The following DOCK9 variants were observed in gnomAD, a reference collection of about 807,000 sequenced individuals.
DOCK9 encodes the protein dedicator of cytokinesis 9, also known as dedicator of cytokinesis protein 9.
A neutral mutation model predicts 263.3 loss-of-function variants in DOCK9; 89 were observed. The ratio of observed to expected loss-of-function variants is 0.34; its 90% CI spans 0.28 to 0.40. The LOEUF (loss-of-function observed/expected upper bound fraction) is 0.40, where lower values mean the gene tolerates loss of function less well. Ranked by LOEUF, DOCK9 falls within the 10% of genes least tolerant of loss-of-function variation. DOCK9 has a pLI of 1.00. For missense variants in DOCK9, 2,140 were observed against 2,603.4 expected (o/e 0.82, Z 3.87); for synonymous variants, 976 against 973.1 (o/e 1.00, Z -0.06).
At position 98,991,078 on chromosome 13, in the gene DOCK9, C is replaced by CTT. The variant is rs35085681; in HGVS notation, c.130-35529_130-35528dup. ...TAAAAGGGATGCAAACAAGTAATTT[C>CTT]TTTTTTTTTTTGAGATGGAGTTTCG... On this transcript the variant is annotated intron_variant, in intron 1 of 32. Transcript: ENST00000427887. 1.8e-3 allele frequency among the ~76,000 whole-genome samples: 264 copies of CTT among 148,326 alleles called. 1 individual carries two copies. The highest frequency in any genetic ancestry group is 7.7e-3 in the East Asian group (39 of 5,078).
chr13:98,870,619 C>T (rs974345022), intron 27 of DOCK9, among the ~76,000 whole-genome samples: 3 of 152,102 alleles, frequency 2.0e-5, no homozygotes, highest in Non-Finnish European at 4.4e-5. Flanking sequence ...GTTGAGTGGG[C>T]ACCATGTAAA....
chr13:98,894,695 T>C (rs1566886862), intron 15 of DOCK9, among the ~76,000 whole-genome samples: 1 of 151,924 alleles, frequency 6.6e-6, no homozygotes, highest in East Asian at 1.9e-4. Flanking sequence ...ATGACAATAA[T>C]TACTATATGA....
intron 9 of DOCK9, among the ~76,000 whole-genome samples, chr13:98,912,620 T>A (rs980374639): frequency 6.6e-6 from 1 of 151,978 alleles, no homozygotes; most frequent in Non-Finnish European, 1.5e-5. Flanking sequence ...ATTAAATATA[T>A]GTATATCTTA....
intron 1 of DOCK9, among the ~76,000 whole-genome samples, chr13:99,021,100 A>C (rs1886036455): frequency 6.6e-6 from 1 of 152,206 alleles, no homozygotes; most frequent in Non-Finnish European, 1.5e-5. Context: ...TCCTTTTATA[A>C]CCAATCAATA....
intron 1 of DOCK9, among the ~76,000 whole-genome samples, chr13:99,074,371 C>G (rs1388533721): frequency 6.6e-6 from 1 of 152,212 alleles, no homozygotes; most frequent in Non-Finnish European, 1.5e-5. Flanking sequence ...TATTCAATGT[C>G]TATGGTATTA....
At chr13:98,999,663 T>G (rs1303142003) in intron 1 of DOCK9, among the ~76,000 whole-genome samples, 1 of 152,248 alleles carries the variant, frequency 6.6e-6, no homozygotes, top group African/African-American at 2.4e-5. Flanking sequence ...TTTAAATTAC[T>G]GATGCACAGA....
chr13:98,868,822 C>G (rs2094116614), intron 27 of DOCK9, among the ~76,000 whole-genome samples: 1 of 152,176 alleles, frequency 6.6e-6, no homozygotes, highest in African/African-American at 2.4e-5. Context: ...AATTAACCCT[C>G]CTTCTTTCAA....
At chr13:98,834,740 G>A (rs192042781) in intron 39 of DOCK9, 35 of 152,324 alleles carry the variant, frequency 2.3e-4, no homozygotes, top group Non-Finnish European at 2.1e-4. Flanking sequence ...TGTACTAAGT[G>A]AGATAACATG....
chr13:98,937,427 TAGAC>T (rs1044262005), intron 2 of DOCK9, among the ~76,000 whole-genome samples: 2 of 152,168 alleles, frequency 1.3e-5, no homozygotes, highest in African/African-American at 4.8e-5. Context: ...AGATGATCGA[TAGAC>T]AGATAGGTAG....
intron 1 of DOCK9, chr13:99,015,687 G>A (rs1885297161): frequency 5.4e-6 from 8 of 1,483,532 alleles, no homozygotes; most frequent in Non-Finnish European, 7.1e-6. Flanking sequence ...TCCGAAACAG[G>A]CTCCCACTGT....
At position 98,809,613 on chromosome 13, in the gene DOCK9, CA is replaced by C. The variant is rs1417053765; in HGVS notation, c.5254-149del. 6.1e-6 allele frequency: 4 copies of C among 653,680 alleles called. No homozygotes were observed. The Admixed American group carries it at 9.7e-5, about 16-fold the overall frequency. 40.5% of individuals were successfully genotyped at this position (653,680 alleles called of 1,614,324 possible). On this transcript the variant is annotated intron_variant, in intron 46 of 52. Coordinates refer to ENST00000682017, the MANE Select transcript of DOCK9 (RefSeq NM_001366683.2). ...TTTTGGCTGCACAACTTGTAGTGATCATTAATGAATGGTAACATTTCCTACC... is the reference window on the plus strand; with the variant it reads ...TTTTGGCTGCACAACTTGTAGTGATCTTAATGAATGGTAACATTTCCTACC...
At chr13:99,060,611 G>A (rs917033846) in intron 1 of DOCK9, among the ~76,000 whole-genome samples, 8 of 152,058 alleles carry the variant, frequency 5.3e-5, no homozygotes, top group South Asian at 2.1e-4. Context: ...ATCTCTCCAC[G>A]TCCTTACCAA....
chr13:99,015,876 G>A (rs189549578), intron 1 of DOCK9: 20 of 809,342 alleles, frequency 2.5e-5, no homozygotes, highest in South Asian at 1.1e-4. Flanking sequence ...TTAAAGTATC[G>A]TTTTTCTAGC....
At chr13:98,939,662 G>T (rs2055493925) in intron 2 of DOCK9, among the ~76,000 whole-genome samples, 1 of 152,194 alleles carries the variant, frequency 6.6e-6, no homozygotes, top group East Asian at 1.9e-4. Flanking sequence ...AAGCCCAGGA[G>T]GTTCGAGCAA....
In DOCK9 at chr13:98,941,072, T is replaced by C. The variant is rs144155515; in HGVS notation, c.244-10815A>G. Among the ~76,000 whole-genome samples the C allele has an allele frequency of 3.4e-3, 519 of 152,288 alleles. 1 individual carries two copies. The highest frequency in any genetic ancestry group is 0.012 in the African/African-American group (492 of 41,554). On this transcript the variant is annotated intron_variant, in intron 2 of 52. Transcript: ENST00000682017. The stretch of plus-strand genomic sequence containing the variant: ...TCCAGCAACATGGACTATTTCTGAT[T>C]CCCTAATGCACCAGGCCCCTCTGAC...
At chr13:98,913,787 G>A (rs895968957) in intron 9 of DOCK9, among the ~76,000 whole-genome samples, 21 of 152,302 alleles carry the variant, frequency 1.4e-4, no homozygotes, top group African/African-American at 5.1e-4. Flanking sequence ...GGAAGTAGCA[G>A]TATGGTTGAT....
intron 30 of DOCK9, among the ~76,000 whole-genome samples, chr13:98,865,384 A>G (rs1173237720): frequency 1.3e-5 from 2 of 152,140 alleles, no homozygotes; most frequent in Non-Finnish European, 2.9e-5. Flanking sequence ...TTTTCTTTAT[A>G]AATTACCCAG....
intron 1 of DOCK9, among the ~76,000 whole-genome samples, chr13:99,028,280 G>C (rs1481871209): frequency 9.2e-5 from 14 of 152,162 alleles, no homozygotes. Flanking sequence ...GAGGACCCTG[G>C]GATGCTGCCT....
At chr13:99,056,846 G>A (rs2142253868) in intron 1 of DOCK9, among the ~76,000 whole-genome samples, 1 of 152,336 alleles carries the variant, frequency 6.6e-6, no homozygotes, top group African/African-American at 2.4e-5. Context: ...TCGCCCTGAG[G>A]AAAGACAGTG....
Sources: allele counts gnomAD v4.1 joint callset (sites outside exome capture counted in the v4.1 genomes callset), GRCh38; gene constraint gnomAD v4.1.1; transcripts MANE v1.5; gene names NCBI Gene and HGNC (gene_info 2026-07-23, HGNC 2026-07-21).